DPM1: variants seen among roughly 807,000 people sequenced by gnomAD.
The protein encoded by DPM1 is dolichyl-phosphate mannosyltransferase subunit 1, catalytic.
A neutral mutation model predicts 39.0 loss-of-function variants in DPM1; 27 were observed. The observed-to-expected ratio is 0.69, with a 90% CI of 0.51 to 0.95. DPM1 has a LOEUF of 0.95. Ranked by LOEUF, DPM1 falls within the 40% of genes least tolerant of loss-of-function variation. DPM1 has a pLI of 0.00. For synonymous variants in DPM1, 124 were observed against 109.0 expected (o/e 1.14, Z -0.86); for missense variants, 307 against 315.6 (o/e 0.97, Z 0.21).
At chr20:50,946,071 CA>C (rs1225719929) in intron 3 of DPM1, 148 bp from the exon 4 acceptor site, 7 of 726,918 alleles carry the variant, frequency 9.6e-6, no homozygotes, top group Non-Finnish European at 1.7e-5. Context: ...ACCTTAAGTA[CA>C]TAAGTTCATG....
intron 2 of DPM1, 31 bp downstream of exon 2, chr20:50,955,155 C>A (rs768812978): frequency 2.0e-6 from 3 of 1,470,612 alleles, no homozygotes; most frequent in Non-Finnish European, 1.9e-6. Flanking sequence ...AATCACAATT[C>A]ATATCACAGA....
rs376257244 is a variant in DPM1 at position 50,958,465 on chromosome 20, C to A, written c.59G>T (p.Arg20Leu). The A allele has an allele frequency of 6.2e-6, 10 of 1,613,574 alleles. No individual in the cohort carries two copies. In the African/African-American group the frequency reaches 9.4e-5, roughly 15 times the overall value. ...PRRSRRELEV[R>L]SPRQNKYSVL... ...CGAATATTTGTTCTGTCGTGGACTG[C>A]GCACTTCCAGCTCCCGCCGAGACCT... The change falls in exon 1 of 9, where the codon CGC becomes CTC. Residue 20 changes from arginine (R) to leucine (L), a missense_variant. Coordinates refer to ENST00000371588, the MANE Select transcript of DPM1 (RefSeq NM_003859.3).
Position 50,958,429 on chromosome 20 carries a change from G to A in DPM1, c.95C>T (p.Pro32Leu). The change falls in exon 1 of 9, where the codon CCT becomes CTT. Residue 32 changes from proline (P) to leucine (L), a missense_variant. This residue lies in a region of DPM1 where 206 missense variants were observed against 188.2 expected (regional missense o/e 1.09). Transcript: ENST00000371588. ...PRQNKYSVLL[P>L]TYNERENLPL... ...CAGGTTCTCGCGCTCGTTGTAGGTAGGTAAAAGCACCGAATATTTGTTCTG... is the reference window on the plus strand; with the variant it reads ...CAGGTTCTCGCGCTCGTTGTAGGTAAGTAAAAGCACCGAATATTTGTTCTG... 6.2e-7 allele frequency: 1 copy of A among 1,614,140 alleles called. No individual in the cohort carries two copies. Among genetic ancestry groups the A allele is most frequent in the Non-Finnish European group, 8.5e-7 (1 of 1,180,032 alleles).
chr20:50,944,016 A>G (rs1327044670), intron 5 of DPM1, among the ~76,000 whole-genome samples: 1 of 152,238 alleles, frequency 6.6e-6, no homozygotes, highest in African/African-American at 2.4e-5. Context: ...CTGGGATTAC[A>G]GGCGTGAGCC....
intron 2 of DPM1, among the ~76,000 whole-genome samples, chr20:50,953,769 G>A (rs1161629968): frequency 1.3e-5 from 2 of 152,162 alleles, no homozygotes; most frequent in African/African-American, 4.8e-5. Flanking sequence ...TATTCAAAAT[G>A]TTGTCTGGTT....
At chr20:50,954,242 C>T (rs1328785914) in intron 2 of DPM1, among the ~76,000 whole-genome samples, 3 of 152,052 alleles carry the variant, frequency 2.0e-5, no homozygotes, top group Admixed American at 2.0e-4. Flanking sequence ...AAAGGGACTT[C>T]TTTCTCTATA....
intron 2 of DPM1, among the ~76,000 whole-genome samples, chr20:50,950,686 G>A (rs183671998): frequency 6.6e-6 from 1 of 152,116 alleles, no homozygotes; most frequent in Admixed American, 6.5e-5. Flanking sequence ...CTTGGCCAAC[G>A]TGGTGAGACC....
intron 2 of DPM1, among the ~76,000 whole-genome samples, chr20:50,953,738 G>A (rs1040956152): frequency 3.9e-5 from 6 of 152,054 alleles, no homozygotes; most frequent in Admixed American, 3.9e-4. Context: ...ACATCCTAAG[G>A]CTGAGGTTTT....
intron 6 of DPM1, among the ~76,000 whole-genome samples, chr20:50,941,633 G>A (rs1489091228): frequency 1.3e-5 from 2 of 151,794 alleles, no homozygotes; most frequent in Non-Finnish European, 2.9e-5. Context: ...GCTTGAGCCC[G>A]GGAGGCAGAG....
rs1986415174 is a variant in DPM1, at chr20:50,948,610, T to TA, written c.295+18dup. 1.2e-6 allele frequency: 2 copies of TA among 1,612,940 alleles called. No individual in the cohort carries two copies. The highest frequency in any genetic ancestry group is 1.7e-6 in the Non-Finnish European group (2 of 1,178,940). Reference sequence around the variant, plus strand: ...CAAGCAAGCAGCAGGTGTGAGGGGTTAGAGATTACACGACTTACCTAGTCC... The same window carrying TA: ...CAAGCAAGCAGCAGGTGTGAGGGGTTAAGAGATTACACGACTTACCTAGTCC... On this transcript the variant is annotated intron_variant, in intron 3 of 8. Transcript: ENST00000371588.
At chr20:50,955,798 C>T (rs1054019722) in intron 1 of DPM1, among the ~76,000 whole-genome samples, 1 of 152,162 alleles carries the variant, frequency 6.6e-6, no homozygotes, top group Non-Finnish European at 1.5e-5. Flanking sequence ...CTCCTGACCT[C>T]GTGATCTGCC....
Position 50,958,457 on chromosome 20 carries a change from G to A in DPM1, c.67C>T (p.Arg23Ter). Residue 23 changes from arginine to a stop codon, truncating the protein, a stop_gained, in exon 1 of 9, where the codon CGA (arginine) becomes TGA (stop). Coordinates refer to ENST00000371588, the MANE Select transcript of DPM1 (RefSeq NM_003859.3). LOFTEE classifies it high-confidence loss of function. Reference protein sequence around the residue: ...SRRELEVRSPRQNKYSVLLPT... With the variant: ...SRRELEVRSP ...AAAAGCACCGAATATTTGTTCTGTCGTGGACTGCGCACTTCCAGCTCCCGC... is the reference window on the plus strand; with the variant it reads ...AAAAGCACCGAATATTTGTTCTGTCATGGACTGCGCACTTCCAGCTCCCGC... 1 of 1,614,056 alleles carries A rather than the reference G, an allele frequency of 6.2e-7. No homozygotes were observed. Among genetic ancestry groups the A allele is most frequent in the Non-Finnish European group, 8.5e-7 (1 of 1,180,024 alleles).
intron 1 of DPM1, 86 bp downstream of exon 1, chr20:50,958,277 G>T: frequency 6.4e-7 from 1 of 1,556,656 alleles, no homozygotes; most frequent in Non-Finnish European, 8.7e-7. Context: ...GGCTGGACAG[G>T]GCCGCTTCGC....
intron 5 of DPM1, 33 bp from the exon 6 acceptor site, chr20:50,942,159 G>T: frequency 3.2e-6 from 5 of 1,571,142 alleles, no homozygotes; most frequent in Non-Finnish European, 4.4e-6. Flanking sequence ...ATTAGAAAAA[G>T]CCACTGAGCT....
At chr20:50,941,395 TTC>T (rs1985807590) in intron 6 of DPM1, among the ~76,000 whole-genome samples, 2 of 146,108 alleles carry the variant, frequency 1.4e-5, no homozygotes, top group African/African-American at 5.0e-5. Context: ...CATATATATA[TTC>T]ATATTATATA....
At chr20:50,956,752 G>C (rs543857476) in intron 1 of DPM1, among the ~76,000 whole-genome samples, 2 of 152,224 alleles carry the variant, frequency 1.3e-5, no homozygotes, top group African/African-American at 2.4e-5. Context: ...AAATATGTAA[G>C]GTGATTTTAA....
At position 50,955,212 on chromosome 20, in the gene DPM1, C is replaced by G. The variant is rs760351795; in HGVS notation, c.235G>C (p.Glu79Gln). 3.7e-6 allele frequency: 6 copies of G among 1,612,920 alleles called. No individual in the cohort carries two copies. In the Admixed American group the frequency reaches 5.0e-5, roughly 13 times the overall value. ...DGTRDVAEQL[E>Q]KIYGSDRILL... ...ATTCTGTCTGACCCATAGATCTTCT[C>G]CAACTGTTCAGCAACATCCCTTGTT... Residue 79 changes from glutamate to glutamine, a missense_variant, in exon 2 of 9, where the codon GAG (glutamate) becomes CAG (glutamine). This residue lies in a region of DPM1 where 206 missense variants were observed against 188.2 expected (regional missense o/e 1.09). Transcript: ENST00000371588.
At chr20:50,941,144 G>T in intron 6 of DPM1, 1 of 588,884 alleles carries the variant, frequency 1.7e-6, no homozygotes. Context: ...ATCCCAGGAG[G>T]CCAAGATGGC....
intron 2 of DPM1, among the ~76,000 whole-genome samples, chr20:50,953,807 T>C (rs1986700403): frequency 6.6e-6 from 1 of 152,186 alleles, no homozygotes; most frequent in African/African-American, 2.4e-5. Context: ...TGGCAGCACA[T>C]AACTCAAAAG....
Sources: gnomAD v4.1 joint callset for allele counts (sites outside exome capture counted in the v4.1 genomes callset) on GRCh38, gnomAD v4.1.1 for gene constraint, gnomAD v4.1.1 regional missense constraint, MANE v1.5 for transcripts, NCBI Gene and HGNC (gene_info 2026-07-23, HGNC 2026-07-21) for gene names.